EPHB1: variants seen among roughly 807,000 people sequenced by gnomAD.
EPHB1 encodes EPH receptor B1.
In EPHB1, 30 loss-of-function variants were observed where a neutral mutation model predicts 94.4. That is an observed-to-expected ratio of 0.32 (90% CI 0.24 to 0.43). The LOEUF is 0.43. Ranked by LOEUF, EPHB1 falls within the 20% of genes least tolerant of loss-of-function variation. The probability of loss-of-function intolerance (pLI) is 1.00; values close to 1 mark genes in which losing one functional copy is unlikely to be tolerated. For missense variants in EPHB1, 1,055 were observed against 1,308.3 expected (o/e 0.81, Z 2.99); for synonymous variants, 522 against 489.1 (o/e 1.07, Z -0.89).
At chr3:134,933,348 C>T (rs753405513) in intron 2 of EPHB1, among the ~76,000 whole-genome samples, 3 of 152,156 alleles carry the variant, frequency 2.0e-5, no homozygotes, top group Non-Finnish European at 2.9e-5. Flanking sequence ...CTGGAATTAG[C>T]TCTGAGTGGG....
At position 135,132,769 on chromosome 3, in the gene EPHB1, T is replaced by C; in HGVS notation, c.1017T>C (p.Ile339=). ...VISIVNETSI[I]LEWHPPRETG... is the part of the protein sequence containing the mutation. The stretch of plus-strand genomic sequence containing the variant: ...CCATCGTCAATGAGACGTCCATCAT[T>C]CTGGAGTGGCACCCTCCAAGGGAGA... The change falls in exon 5 of 16, where the codon ATT becomes ATC. Residue 339 remains isoleucine (I), a synonymous_variant. Coordinates refer to ENST00000398015, the MANE Select transcript of EPHB1 (RefSeq NM_004441.5). 1 of 1,612,388 alleles carries C rather than the reference T, an allele frequency of 6.2e-7. No homozygotes were observed. The highest frequency in any genetic ancestry group is 8.5e-7 in the Non-Finnish European group (1 of 1,178,602).
At chr3:135,155,490 G>C (rs975527982) in intron 6 of EPHB1, among the ~76,000 whole-genome samples, 6 of 152,100 alleles carry the variant, frequency 3.9e-5, no homozygotes, top group African/African-American at 1.4e-4. Flanking sequence ...GAGATTACCA[G>C]AGGAGGTCAT....
At chr3:135,232,891 A>T (rs1943565792) in intron 12 of EPHB1, among the ~76,000 whole-genome samples, 1 of 152,178 alleles carries the variant, frequency 6.6e-6, no homozygotes, top group South Asian at 2.1e-4. Flanking sequence ...TTATAAAACA[A>T]TCAGATCTTA....
intron 7 of EPHB1, among the ~76,000 whole-genome samples, chr3:135,164,306 C>A (rs1204376483): frequency 6.6e-6 from 1 of 152,164 alleles, no homozygotes; most frequent in African/African-American, 2.4e-5. Flanking sequence ...TATCCTTGTT[C>A]TTAGAAATCT....
chr3:134,970,369 T>G (rs1933920621), intron 3 of EPHB1, among the ~76,000 whole-genome samples: 1 of 152,250 alleles, frequency 6.6e-6, no homozygotes, highest in Non-Finnish European at 1.5e-5. Context: ...TGAGTGGCTC[T>G]TTCACTTTTT....
chr3:134,800,500 C>T lies in EPHB1; in HGVS notation c.58+4811C>T, dbSNP rs2035916303. ...GACTTCAGGTAGTATATTACCTGGG[C>T]AGTTTGCTACAGACTCCTGGGTCCT... On this transcript the variant is annotated intron_variant, in intron 1 of 15. Coordinates refer to ENST00000398015, the MANE Select transcript of EPHB1 (RefSeq NM_004441.5). 2.0e-5 allele frequency among the ~76,000 whole-genome samples: 3 copies of T among 149,840 alleles called. No individual in the cohort carries two copies. The South Asian group carries it at 6.3e-4, about 32-fold the overall frequency.
At chr3:135,257,595 G>T (rs903147263) in intron 15 of EPHB1, among the ~76,000 whole-genome samples, 1 of 151,938 alleles carries the variant, frequency 6.6e-6, no homozygotes, top group African/African-American at 2.4e-5. Flanking sequence ...CCAGCTGCGT[G>T]CTGGGAGAAC....
chr3:135,141,470 C>A (rs754124233), intron 5 of EPHB1, among the ~76,000 whole-genome samples: 4 of 152,150 alleles, frequency 2.6e-5, no homozygotes, highest in Middle Eastern at 3.2e-3. Context: ...TCCTGGCTGA[C>A]CTTACACCAT....
chr3:134,911,905 C>T (rs1404556843), intron 1 of EPHB1, among the ~76,000 whole-genome samples: 3 of 152,202 alleles, frequency 2.0e-5, no homozygotes, highest in Non-Finnish European at 2.9e-5. Flanking sequence ...CCTGGCTCTC[C>T]GGAGCTGCTG....
At chr3:135,220,906 C>A (rs1362138634) in intron 12 of EPHB1, among the ~76,000 whole-genome samples, 1 of 152,182 alleles carries the variant, frequency 6.6e-6, no homozygotes, top group Admixed American at 6.5e-5. Context: ...CTTAGAGGTG[C>A]ATGTTTTGGG....
chr3:134,822,298 G>C (rs886872467), intron 1 of EPHB1, among the ~76,000 whole-genome samples: 1 of 152,070 alleles, frequency 6.6e-6, no homozygotes, highest in Non-Finnish European at 1.5e-5. Flanking sequence ...GTCCAGGCAT[G>C]GTCAAACTCC....
At chr3:135,146,540 C>G (rs1433713787) in intron 5 of EPHB1, among the ~76,000 whole-genome samples, 7 of 152,300 alleles carry the variant, frequency 4.6e-5, no homozygotes, top group African/African-American at 1.7e-4. Context: ...GTCACTCGGT[C>G]TCCTTATCCT....
chr3:134,854,292 G>A (rs1481801973), intron 1 of EPHB1, among the ~76,000 whole-genome samples: 1 of 152,168 alleles, frequency 6.6e-6, no homozygotes, highest in Non-Finnish European at 1.5e-5. Context: ...TCTGCTTGAT[G>A]ATTTAGGGGC....
chr3:134,825,780 G>T (rs2036465621), intron 1 of EPHB1, among the ~76,000 whole-genome samples: 1 of 152,108 alleles, frequency 6.6e-6, no homozygotes, highest in Non-Finnish European at 1.5e-5. Flanking sequence ...CCATGGTTTG[G>T]CTCATGGCAT....
At chr3:134,890,316 A>G (rs578210078) in intron 1 of EPHB1, among the ~76,000 whole-genome samples, 1 of 152,208 alleles carries the variant, frequency 6.6e-6, no homozygotes, top group Non-Finnish European at 1.5e-5. Context: ...TCCACTAAAT[A>G]ATATGTTTGA....
At chr3:135,242,471 A>AAGGTGGC (rs1275154002) in intron 13 of EPHB1, among the ~76,000 whole-genome samples, 1 of 152,124 alleles carries the variant, frequency 6.6e-6, no homozygotes, top group East Asian at 1.9e-4. Context: ...AAGATTGAGA[A>AAGGTGGC]AGGTGGCAAC....
At chr3:134,837,224 T>C (rs769416427) in intron 1 of EPHB1, among the ~76,000 whole-genome samples, 1 of 152,254 alleles carries the variant, frequency 6.6e-6, no homozygotes, top group Non-Finnish European at 1.5e-5. Flanking sequence ...TTTAAAATAT[T>C]AAAATAATCT....
intron 1 of EPHB1, among the ~76,000 whole-genome samples, chr3:134,866,339 A>G (rs2037377532): frequency 6.6e-6 from 1 of 152,246 alleles, no homozygotes; most frequent in Non-Finnish European, 1.5e-5. Flanking sequence ...CTCGAGGAGT[A>G]CTGACTGCTC....
intron 14 of EPHB1, 85 bp from the exon 15 acceptor site, chr3:135,249,251 C>A: frequency 6.9e-7 from 1 of 1,439,880 alleles, no homozygotes; most frequent in Non-Finnish European, 9.4e-7. Flanking sequence ...TGCTGCCTTC[C>A]ATGAAGTCAG....
Sources: allele counts gnomAD v4.1 joint callset (sites outside exome capture counted in the v4.1 genomes callset), GRCh38; gene constraint gnomAD v4.1.1; transcripts MANE v1.5; gene names NCBI Gene and HGNC (gene_info 2026-07-23, HGNC 2026-07-21).